SCP2: variants seen among roughly 807,000 people sequenced by gnomAD.
SCP2 encodes SCP-2/3-oxoacyl-CoA thiolase.
A neutral mutation model predicts 71.4 loss-of-function variants in SCP2; 48 were observed. The observed-to-expected ratio is 0.67, with a 90% CI of 0.53 to 0.86. The LOEUF (loss-of-function observed/expected upper bound fraction) is 0.86. SCP2 is among the 40% of genes least tolerant of loss of function. The probability of loss-of-function intolerance (pLI) is 0.00; values close to 1 mark genes in which losing one functional copy is unlikely to be tolerated. For synonymous variants in SCP2, 220 were observed against 218.1 expected (o/e 1.01, Z -0.08); for missense variants, 560 against 655.6 (o/e 0.85, Z 1.59).
intron 5 of SCP2, among the ~76,000 whole-genome samples, chr1:52,956,329 A>T (rs1655790949): frequency 6.6e-6 from 1 of 152,028 alleles, no homozygotes; most frequent in African/African-American, 2.4e-5. Flanking sequence ...GTTGAAGATA[A>T]TTTTTTACTG....
chr1:53,023,537 G>A (rs959444051), intron 12 of SCP2, among the ~76,000 whole-genome samples: 4 of 152,176 alleles, frequency 2.6e-5, no homozygotes, highest in Non-Finnish European at 4.4e-5. Context: ...GATTTGCTGG[G>A]AACTGGCAAT....
chr1:52,961,652 T>G (rs183980610), intron 6 of SCP2, 23 bp downstream of exon 6: 538 of 1,605,968 alleles, frequency 3.4e-4, no homozygotes, highest in Non-Finnish European at 4.3e-4. Context: ...TAAAAAACTT[T>G]GAGGCTTCTT....
chr1:52,987,006 A>ATATTTTTTTTTTTT (rs1386745740), intron 10 of SCP2, among the ~76,000 whole-genome samples: 8 of 110,490 alleles, frequency 7.2e-5, no homozygotes, highest in African/African-American at 2.8e-4. Flanking sequence ...ATATATATAT[A>ATATTTTTTTTTTTT]TTTTTTTTTT....
rs570429324 is a variant in SCP2, at chr1:52,953,060, CTTTT to C, written c.332-1664_332-1661del. Reference sequence around the variant, plus strand: ...TTAAGAAAAAATGTGGCAATTCTGTCTTTTTTTTTTTTTTTTTTTAGTTCAGCTT... The same window carrying C: ...TTAAGAAAAAATGTGGCAATTCTGTCTTTTTTTTTTTTTTTAGTTCAGCTT... On this transcript the variant is annotated intron_variant, in intron 4 of 15. Coordinates refer to ENST00000371514, the MANE Select transcript of SCP2 (RefSeq NM_002979.5). 6.8e-5 allele frequency among the ~76,000 whole-genome samples: 7 copies of C among 103,656 alleles called. No homozygotes were observed. The East Asian group carries it at 1.4e-3, about 20-fold the overall frequency. The allele number at this position is 103,656 out of a possible 152,430, so 68.0% of individuals were successfully genotyped here. A position where few individuals can be genotyped will look rare whatever the true frequency, so the allele number is the denominator to read the frequency against.
intron 13 of SCP2, among the ~76,000 whole-genome samples, chr1:53,029,340 T>C (rs1662361709): frequency 6.6e-6 from 1 of 151,018 alleles, no homozygotes; most frequent in Non-Finnish European, 1.5e-5. Context: ...CACGGCTCAC[T>C]GCAGCCTTGA....
intron 12 of SCP2, 151 bp from the exon 13 acceptor site, chr1:53,027,818 T>G: frequency 1.7e-6 from 1 of 595,040 alleles, no homozygotes; most frequent in South Asian, 1.8e-5. Context: ...GCTTAATTAT[T>G]TTATATGCTT....
chr1:52,932,403 A>T (rs777786269), intron 1 of SCP2, among the ~76,000 whole-genome samples: 13 of 152,206 alleles, frequency 8.5e-5, no homozygotes, highest in Non-Finnish European at 1.5e-4. Flanking sequence ...TTGAGGGTAG[A>T]AAAAAATTTT....
intron 11 of SCP2, chr1:52,994,971 C>T: frequency 2.0e-6 from 1 of 512,464 alleles, no homozygotes; most frequent in Non-Finnish European, 3.9e-6. Context: ...GCCCTTTTGG[C>T]CAGGTGCTTA....
At chr1:52,980,574 A>T in intron 10 of SCP2, 31 bp downstream of exon 10, 11 of 1,596,600 alleles carry the variant, frequency 6.9e-6, no homozygotes, top group Non-Finnish European at 9.4e-6. Context: ...AGATTAATTC[A>T]GTAAATTTCA....
intron 5 of SCP2, among the ~76,000 whole-genome samples, chr1:52,959,020 C>CAGTCT (rs1656079744): frequency 6.6e-6 from 1 of 152,124 alleles, no homozygotes; most frequent in African/African-American, 2.4e-5. Flanking sequence ...CCACCACACC[C>CAGTCT]AGTCTAGTTT....
Position 53,013,882 on chromosome 1 carries a change from C to CTTTTT in SCP2, c.1082-981_1082-977dup, listed in dbSNP as rs71044449. Among the ~76,000 whole-genome samples the CTTTTT allele has an allele frequency of 3.9e-3, 246 of 63,092 alleles. 22 individuals are homozygous for CTTTTT. Among genetic ancestry groups the CTTTTT allele is most frequent in the Non-Finnish European group, 5.8e-3 (175 of 30,342 alleles). The allele number at this position is 63,092 out of a possible 152,430, so 41.4% of individuals were successfully genotyped here. The stretch of plus-strand genomic sequence containing the variant: ...GACCAGTCTGCCCTGATAGAACATT[C>CTTTTT]TTTTTTTTTTTTTTTTTTTTTTTTT... On this transcript the variant is annotated intron_variant, in intron 11 of 15. Transcript: ENST00000371514.
intron 12 of SCP2, among the ~76,000 whole-genome samples, chr1:53,027,752 G>A (rs1165187297): frequency 6.6e-6 from 1 of 152,182 alleles, no homozygotes; most frequent in Non-Finnish European, 1.5e-5. Context: ...TGATCCACTC[G>A]CCTCGGCCTC....
intron 14 of SCP2, among the ~76,000 whole-genome samples, chr1:53,045,670 A>G (rs1663755058): frequency 6.6e-6 from 1 of 152,148 alleles, no homozygotes; most frequent in South Asian, 2.1e-4. Context: ...AGTACTTGGT[A>G]CTTGCCAGGT....
chr1:53,043,947 TCA>T (rs1663607310), intron 14 of SCP2, among the ~76,000 whole-genome samples: 2 of 152,206 alleles, frequency 1.3e-5, no homozygotes, highest in Non-Finnish European at 2.9e-5. Flanking sequence ...CCATTGAATC[TCA>T]GTCTTTTTAG....
chr1:52,990,779 A>T (rs1232184674), intron 11 of SCP2, among the ~76,000 whole-genome samples: 1 of 151,636 alleles, frequency 6.6e-6, no homozygotes, highest in Non-Finnish European at 1.5e-5. Context: ...ATAGGTGGAG[A>T]AGAAGAACCA....
intron 12 of SCP2, among the ~76,000 whole-genome samples, chr1:53,018,561 G>A (rs1240899254): frequency 1.3e-5 from 2 of 151,938 alleles, no homozygotes; most frequent in Non-Finnish European, 2.9e-5. Flanking sequence ...GGACAACATG[G>A]CGAAACCCCC....
At chr1:53,035,558 CTAAG>C (rs1409456312) in intron 13 of SCP2, among the ~76,000 whole-genome samples, 1 of 151,638 alleles carries the variant, frequency 6.6e-6, no homozygotes, top group African/African-American at 2.4e-5. Context: ...GGGAGAAGAA[CTAAG>C]TGATTATAAA....
rs765870016 is a variant in SCP2 at position 52,961,496 on chromosome 1, C to A, written c.397-7C>A. On this transcript the variant is annotated splice_polypyrimidine_tract_variant and splice_region_variant and intron_variant, in intron 5 of 15. Coordinates refer to ENST00000371514, the MANE Select transcript of SCP2 (RefSeq NM_002979.5). ...GCTGCTTATGAAATTTTGTTCCCCC[C>A]TCTTAGTTTTCAGATAGAACCATTC... 7 of 1,613,702 alleles carry A rather than the reference C, an allele frequency of 4.3e-6. No individual in the cohort carries two copies. Among genetic ancestry groups the A allele is most frequent in the Non-Finnish European group, 5.9e-6 (7 of 1,179,732 alleles).
intron 4 of SCP2, among the ~76,000 whole-genome samples, chr1:52,953,907 A>G (rs572223024): frequency 6.6e-6 from 1 of 150,856 alleles, no homozygotes; most frequent in East Asian, 2.0e-4. Flanking sequence ...GCTTGAGCCC[A>G]GGAGGTCTAG....
Sources: gnomAD v4.1 joint callset for allele counts (sites outside exome capture counted in the v4.1 genomes callset) on GRCh38, gnomAD v4.1.1 for gene constraint, MANE v1.5 for transcripts, NCBI Gene and HGNC (gene_info 2026-07-23, HGNC 2026-07-21) for gene names.